The following TMEM63A variants were observed in gnomAD, a reference collection of about 807,000 sequenced individuals.
TMEM63A encodes the protein mechanosensitive cation channel TMEM63A.
TMEM63A carries 76 observed loss-of-function variants against 100.6 expected under a neutral mutation model. The ratio of observed to expected loss-of-function variants is 0.76; its 90% CI spans 0.63 to 0.91. The LOEUF (loss-of-function observed/expected upper bound fraction) is 0.91. TMEM63A is among the 40% of genes least tolerant of loss of function. The pLI, the probability that TMEM63A is intolerant of heterozygous loss-of-function variation, is 0.00. For synonymous variants in TMEM63A, 401 were observed against 401.1 expected (o/e 1.00, Z 0.00); for missense variants, 876 against 1,008.8 (o/e 0.87, Z 1.78).
intron 3 of TMEM63A, among the ~76,000 whole-genome samples, 182 bp from the exon 4 acceptor site, chr1:225,874,549 C>T (rs1024840361): frequency 2.0e-5 from 3 of 152,250 alleles, no homozygotes; most frequent in African/African-American, 7.2e-5. Flanking sequence ...ATGCTTTGCT[C>T]ACCCCCTTCA....
Position 225,856,690 on chromosome 1 carries a change from G to A in TMEM63A, c.1533C>T (p.Ile511=), listed in dbSNP as rs140423726. The A allele has an allele frequency of 0.012, 19,264 of 1,613,662 alleles. 205 individuals are homozygous for A. Among genetic ancestry groups the A allele is most frequent in the Non-Finnish European group, 0.013 (14,759 of 1,179,870 alleles). The change falls in exon 17 of 25, where the codon ATC becomes ATT. Residue 511 remains isoleucine (I), a synonymous_variant. Transcript: ENST00000366835. The part of the protein sequence containing the change: ...IMMTKVYIFL[I]FMVLILPSLG... ...GGGAGGGCAGGATCAGCACCATGAA[G>A]ATCAAGAATATGTAGACTTTGGTCA...
At chr1:225,875,848 G>A (rs1263734199) in intron 3 of TMEM63A, among the ~76,000 whole-genome samples, 1 of 151,450 alleles carries the variant, frequency 6.6e-6, no homozygotes, top group African/African-American at 2.4e-5. Flanking sequence ...TGAATCGCTT[G>A]AGCTCAGGAG....
At chr1:225,859,604 C>T in intron 14 of TMEM63A, 2 of 482,756 alleles carry the variant, frequency 4.1e-6, no homozygotes, top group Non-Finnish European at 7.3e-6. Flanking sequence ...AGCACCCAAG[C>T]AGGCCAAACA....
rs771637430 is a variant in TMEM63A at position 225,852,647 on chromosome 1, G to C, written c.1903+17C>G. On this transcript the variant is annotated intron_variant, in intron 20 of 24. Coordinates refer to ENST00000366835, the MANE Select transcript of TMEM63A (RefSeq NM_014698.3). ...CATGTACCCATGTACCCTGGGACAG[G>C]CTCCAGGGCCACTCACCAAATGGCG... 1 of 1,611,370 alleles carries C rather than the reference G, an allele frequency of 6.2e-7. No homozygotes were observed. Among genetic ancestry groups the C allele is most frequent in the East Asian group, 2.2e-5 (1 of 44,880 alleles).
At chr1:225,879,616 C>T (rs1670989884) in intron 1 of TMEM63A, among the ~76,000 whole-genome samples, 1 of 152,206 alleles carries the variant, frequency 6.6e-6, no homozygotes, top group South Asian at 2.1e-4. Flanking sequence ...CTGTGCGACC[C>T]TACTCCTCCT....
chr1:225,876,086 A>T (rs1435062704), intron 3 of TMEM63A, among the ~76,000 whole-genome samples: 25 of 146,410 alleles, frequency 1.7e-4, no homozygotes, highest in African/African-American at 6.3e-4. Flanking sequence ...AAAAAAAAAA[A>T]AAAAAAAAAA....
At chr1:225,869,381 G>T (rs925917828) in intron 6 of TMEM63A, among the ~76,000 whole-genome samples, 3 of 152,096 alleles carry the variant, frequency 2.0e-5, no homozygotes, top group African/African-American at 7.2e-5. Flanking sequence ...AAACTAACTC[G>T]CCTCCTGCTT....
At position 225,862,626 on chromosome 1, in the gene TMEM63A, G is replaced by A; in HGVS notation, c.828-48C>T. The A allele has an allele frequency of 6.2e-7, 1 of 1,602,926 alleles. No individual in the cohort carries two copies. The highest frequency in any genetic ancestry group is 8.5e-7 in the Non-Finnish European group (1 of 1,172,976). The stretch of plus-strand genomic sequence containing the variant: ...ACAAACCTCAGATTTAGAATCCTGT[G>A]GCAGGGACCCCCATACCCACAGTTC... On this transcript the variant is annotated intron_variant, in intron 11 of 24. Transcript: ENST00000366835. This position sits in a 1 kb window ranked among gnomAD's most constrained non-coding sequence, Gnocchi z 5.1.
At chr1:225,873,572 G>A (rs928558463) in intron 4 of TMEM63A, among the ~76,000 whole-genome samples, 11 of 152,160 alleles carry the variant, frequency 7.2e-5, no homozygotes, top group African/African-American at 2.7e-4. Context: ...CAGCCAGCTG[G>A]AGCTGGAACG....
rs764157354 is a variant in TMEM63A, at chr1:225,847,103, G to A, written c.2361C>T (p.Ile787=). 6.2e-7 allele frequency: 1 copy of A among 1,613,910 alleles called. No homozygotes were observed. Among genetic ancestry groups the A allele is most frequent in the Non-Finnish European group, 8.5e-7 (1 of 1,180,032 alleles). The part of the protein sequence containing the change: ...YGAIHNISGT[I]PGQCLAQSAT... ...CGCTCTGCGCCAAGCACTGTCCAGG[G>A]ATAGTCCCGCTGATGTTGTGGATGG... Residue 787 remains isoleucine (I), a synonymous_variant, in exon 24 of 25, where the codon ATC becomes ATT. Coordinates refer to ENST00000366835, the MANE Select transcript of TMEM63A (RefSeq NM_014698.3).
intron 1 of TMEM63A, among the ~76,000 whole-genome samples, chr1:225,881,647 C>T (rs1464632346): frequency 6.6e-6 from 1 of 152,230 alleles, no homozygotes; most frequent in Non-Finnish European, 1.5e-5. Context: ...GTCCGCCACG[C>T]TGTCCACCCC....
In TMEM63A at chr1:225,874,490, C is replaced by T. The variant is rs369997582; in HGVS notation, c.187-123G>A. ...CAGGGCTAGAAGGAAAACACCCAGGCCCAGAGAGGGCACTGAAGTGCCCAA... is the reference window on the plus strand; with the variant it reads ...CAGGGCTAGAAGGAAAACACCCAGGTCCAGAGAGGGCACTGAAGTGCCCAA... On this transcript the variant is annotated intron_variant, in intron 3 of 24. Coordinates refer to ENST00000366835, the MANE Select transcript of TMEM63A (RefSeq NM_014698.3). The T allele has an allele frequency of 2.3e-5, 18 of 780,218 alleles. No homozygotes were observed. In the East Asian group the frequency reaches 4.2e-4, roughly 18 times the overall value. The allele number at this position is 780,218 out of a possible 1,614,324, so 48.3% of individuals were successfully genotyped here.
In TMEM63A at chr1:225,867,044, C is replaced by T. The variant is rs1463465567; in HGVS notation, c.566+68G>A. ...CCTTTGGAGTACCTCTGGCCTGCCC[C>T]GGGCTCCTGACCTGCCTTCTCCTTG... On this transcript the variant is annotated intron_variant, in intron 8 of 24. Transcript: ENST00000366835. The surrounding 1 kb of genome is among the most constrained non-coding windows in gnomAD (Gnocchi z 4.6). 11 of 1,565,126 alleles carry T rather than the reference C, an allele frequency of 7.0e-6. No individual in the cohort carries two copies. The highest frequency in any genetic ancestry group is 1.7e-4 in the Middle Eastern group (1 of 5,930).
At chr1:225,879,922 G>T (rs1671005773) in intron 1 of TMEM63A, among the ~76,000 whole-genome samples, 1 of 152,228 alleles carries the variant, frequency 6.6e-6, no homozygotes, top group Non-Finnish European at 1.5e-5. Context: ...CACAGAGAGA[G>T]CATTGTCCCT....
Position 225,866,560 on chromosome 1 carries a change from C to A in TMEM63A, c.675+14G>T. ...TCCCTCCCAGCACATGTCCCTAAGT[C>A]CCGCCTCACTCACCAGGTTCTCCTC... On this transcript the variant is annotated intron_variant, in intron 9 of 24. Transcript: ENST00000366835. 6.2e-7 allele frequency: 1 copy of A among 1,611,926 alleles called. No homozygotes were observed. Among genetic ancestry groups the A allele is most frequent in the South Asian group, 1.1e-5 (1 of 90,808 alleles).
In TMEM63A at chr1:225,852,745, C is replaced by G; in HGVS notation, c.1822G>C (p.Gly608Arg). The G allele has an allele frequency of 6.2e-7, 1 of 1,614,096 alleles. No individual in the cohort carries two copies. Among genetic ancestry groups the G allele is most frequent in the Non-Finnish European group, 8.5e-7 (1 of 1,180,044 alleles). The change falls in exon 20 of 25, where the codon GGA becomes CGA. Residue 608 changes from glycine (G) to arginine (R), a missense_variant. Physicochemically the swap from Gly to Arg is moderately radical, Grantham distance 125 (BLOSUM62 -2). This residue lies in a region of TMEM63A where 339 missense variants were observed against 342.3 expected (regional missense o/e 0.99). Coordinates refer to ENST00000366835, the MANE Select transcript of TMEM63A (RefSeq NM_014698.3). ...CACAGCATCCATGCATACATGGCTC[C>G]AAACTCGTACTGGAAGGCCTGGTTC... ...KQNQAFQYEF[G>R]AMYAWMLCVF...
downstream of TMEM63A, chr1:225,844,458 T>C (rs754005108): frequency 5.4e-6 from 8 of 1,480,156 alleles, no homozygotes; most frequent in East Asian, 2.2e-5. Flanking sequence ...CACAACTGCA[T>C]GTGGCACTGA....
downstream of TMEM63A, among the ~76,000 whole-genome samples, chr1:225,842,759 A>G (rs1191126183): frequency 3.9e-5 from 6 of 152,352 alleles, no homozygotes; most frequent in South Asian, 1.2e-3. Context: ...GGGAGCCCAC[A>G]GGGCAGCAGG....
downstream of TMEM63A, among the ~76,000 whole-genome samples, chr1:225,844,266 G>A (rs1218561631): frequency 1.3e-5 from 2 of 151,588 alleles, no homozygotes; most frequent in African/African-American, 4.9e-5. Context: ...AGGCAAGGTG[G>A]GTGGGGGGAG....
Sources: allele counts gnomAD v4.1 joint callset (sites outside exome capture counted in the v4.1 genomes callset), GRCh38; gene constraint gnomAD v4.1.1; regional missense constraint gnomAD v4.1.1; non-coding constraint Gnocchi (gnomAD v3.1); transcripts MANE v1.5; gene names NCBI Gene and HGNC (gene_info 2026-07-23, HGNC 2026-07-21).